Variants in MYRFL observed in about 807,000 individuals in gnomAD.
The protein encoded by MYRFL is myelin regulatory factor like, also known as myelin regulatory factor-like protein.
MYRFL carries 88 observed loss-of-function variants against 109.4 expected under a neutral mutation model. The ratio of observed to expected loss-of-function variants is 0.80; its 90% confidence interval spans 0.68 to 0.96. The LOEUF (loss-of-function observed/expected upper bound fraction) is 0.96. Among genes scored for constraint, MYRFL ranks in the 40% least tolerant of loss-of-function variants. The pLI is 0.00. For missense variants in MYRFL, 957 were observed against 954.9 expected, an observed-to-expected ratio of 1.00 and a Z score of -0.03; for synonymous variants, 324 against 320.9, an observed-to-expected ratio of 1.01 and a Z score of -0.10.
intron 1 of MYRFL, among the ~76,000 whole-genome samples, chr12:69,848,457 T>C (rs1206782507): frequency 6.6e-6 from 1 of 152,134 alleles, no homozygotes; most frequent in Non-Finnish European, 1.5e-5. Context: ...TATCAGAATT[T>C]TAGAGTTTCT....
At chr12:69,869,362 T>A (rs1192466411) in intron 2 of MYRFL, among the ~76,000 whole-genome samples, 3 of 152,036 alleles carry the variant, frequency 2.0e-5, no homozygotes, top group African/African-American at 7.2e-5. Context: ...GCAATTCCCA[T>A]CCCCTCATCC....
In MYRFL at chr12:69,936,555, G is replaced by A. The variant is rs765678851; in HGVS notation, c.2147G>A (p.Arg716Gln). ...CAGGAGACTTATTGCTGCCCCATCC[G>A]GGGAATGAAAGAAGTCTCTTCAAGT... ...PCQETYCCPI[R>Q]GMKEVSSSPV... The change falls in exon 19 of 25, where the codon CGG becomes CAG. Residue 716 changes from arginine (R) to glutamine (Q), a missense_variant. Physicochemically the swap from Arg to Gln is conservative, Grantham distance 43. Coordinates refer to ENST00000552032, the MANE Select transcript of MYRFL (RefSeq NM_182530.3). The A allele has an allele frequency of 8.7e-5, 134 of 1,535,984 alleles. No individual in the cohort carries two copies. The highest frequency in any genetic ancestry group is 1.2e-4 in the Admixed American group (6 of 50,974).
At chr12:69,924,226 C>T (rs896923253) in intron 13 of MYRFL, among the ~76,000 whole-genome samples, 11 of 151,354 alleles carry the variant, frequency 7.3e-5, no homozygotes, top group African/African-American at 2.7e-4. Context: ...GTAAAATACC[C>T]ACATATTCTA....
intron 13 of MYRFL, among the ~76,000 whole-genome samples, chr12:69,922,768 C>T (rs1164244442): frequency 6.6e-6 from 1 of 152,064 alleles, no homozygotes; most frequent in South Asian, 2.1e-4. Flanking sequence ...TGAAATTTCC[C>T]CAATTGTTTT....
chr12:69,839,108 A>T (rs555696021), intron 1 of MYRFL, among the ~76,000 whole-genome samples: 1 of 152,172 alleles, frequency 6.6e-6, no homozygotes, highest in East Asian at 1.9e-4. Flanking sequence ...ACGTAGATCC[A>T]TAATATTTTA....
chr12:69,845,845 A>G (rs1171031903), intron 1 of MYRFL, among the ~76,000 whole-genome samples: 3 of 150,898 alleles, frequency 2.0e-5, no homozygotes, highest in Non-Finnish European at 4.4e-5. Flanking sequence ...TGTGAATATT[A>G]TAATCCTCTA....
In MYRFL at chr12:69,926,624, T is replaced by TAACA. The variant is rs892658655; in HGVS notation, c.1658_1661dup (p.Asn554LysfsTer4). 2.6e-6 allele frequency: 4 copies of TAACA among 1,529,342 alleles called. No homozygotes were observed. The African/African-American group carries it at 4.1e-5, about 16-fold the overall frequency. The allele number at this position is 1,529,342 out of a possible 1,614,324, so 94.7% of individuals were successfully genotyped here. ...CAGTGAAGCAACTGTGCAAACTAAC[T>TAACA]AACAACCTTGAGGAAAGAATAGAAG... On this transcript the variant is annotated frameshift_variant, in exon 14 of 25. Coordinates refer to ENST00000552032, the MANE Select transcript of MYRFL (RefSeq NM_182530.3). LOFTEE classifies it high-confidence loss of function.
intron 2 of MYRFL, among the ~76,000 whole-genome samples, chr12:69,861,668 G>A (rs1884678359): frequency 1.3e-5 from 2 of 152,108 alleles, no homozygotes; most frequent in Non-Finnish European, 2.9e-5. Flanking sequence ...AGATGAATAG[G>A]TTGTGAAAAT....
At chr12:69,848,956 C>T (rs1479197580) in intron 1 of MYRFL, among the ~76,000 whole-genome samples, 1 of 152,226 alleles carries the variant, frequency 6.6e-6, no homozygotes, top group Non-Finnish European at 1.5e-5. Context: ...ACTGCAACCT[C>T]TACCTCCCGG....
intron 6 of MYRFL, among the ~76,000 whole-genome samples, 162 bp downstream of exon 6, chr12:69,887,132 A>G (rs1886505703): frequency 6.6e-6 from 1 of 152,180 alleles, no homozygotes; most frequent in Non-Finnish European, 1.5e-5. Flanking sequence ...TAACAAATAA[A>G]TAGTTGGAAT....
At chr12:69,892,686 A>C (rs573588357) in intron 7 of MYRFL, among the ~76,000 whole-genome samples, 4 of 152,334 alleles carry the variant, frequency 2.6e-5, no homozygotes, top group Non-Finnish European at 5.9e-5. Flanking sequence ...CAAAACAAAA[A>C]CCAAAATACA....
At chr12:69,954,134 G>A (rs1406665601) in intron 21 of MYRFL, among the ~76,000 whole-genome samples, 1 of 152,160 alleles carries the variant, frequency 6.6e-6, no homozygotes, top group Non-Finnish European at 1.5e-5. Flanking sequence ...GGCAGATACA[G>A]CTATTAATTA....
intron 2 of MYRFL, among the ~76,000 whole-genome samples, chr12:69,866,132 TA>T (rs1346263416): frequency 6.6e-6 from 1 of 152,116 alleles, no homozygotes; most frequent in African/African-American, 2.4e-5. Flanking sequence ...GGTTAATTGA[TA>T]TTTTAAAGGA....
Position 69,926,647 on chromosome 12 carries a change from A to C in MYRFL, c.1679A>C (p.Glu560Ala). Residue 560 changes from glutamate to alanine, a missense_variant, in exon 14 of 25, where the codon GAA becomes GCA. Physicochemically the swap from Glu to Ala is moderately radical, Grantham distance 107 (BLOSUM62 -1). Coordinates refer to ENST00000552032, the MANE Select transcript of MYRFL (RefSeq NM_182530.3). ...KLTNNLEERI[E>A]ELEIWNRKLA... The stretch of plus-strand genomic sequence containing the variant: ...ACTAACAACCTTGAGGAAAGAATAG[A>C]AGAGTTAGAAATATGGAACAGAAAG... The C allele has an allele frequency of 6.5e-7, 1 of 1,530,642 alleles. No individual in the cohort carries two copies. 94.8% of individuals were successfully genotyped at this position (1,530,642 alleles called of 1,614,324 possible). A position where few individuals can be genotyped will look rare whatever the true frequency, so the allele number is the denominator to read the frequency against.
At chr12:69,954,514 G>T (rs996926067) in intron 21 of MYRFL, among the ~76,000 whole-genome samples, 1 of 152,132 alleles carries the variant, frequency 6.6e-6, no homozygotes, top group Non-Finnish European at 1.5e-5. Context: ...TATTCAAGAT[G>T]TATAATGTTT....
chr12:69,954,514 G>GTA (rs1956054073), intron 21 of MYRFL, among the ~76,000 whole-genome samples: 1 of 152,132 alleles, frequency 6.6e-6, no homozygotes, highest in Non-Finnish European at 1.5e-5. Context: ...TATTCAAGAT[G>GTA]TATAATGTTT....
At chr12:69,924,006 A>G (rs1297892864) in intron 13 of MYRFL, among the ~76,000 whole-genome samples, 1 of 151,948 alleles carries the variant, frequency 6.6e-6, no homozygotes, top group Non-Finnish European at 1.5e-5. Context: ...TGGCTAACAC[A>G]GTGAAACCCC....
intron 19 of MYRFL, among the ~76,000 whole-genome samples, chr12:69,945,986 C>CAAAAAAAAAAAAAAAAAAAAAAAAAAAA (rs56988555): frequency 2.4e-5 from 1 of 42,328 alleles, no homozygotes; most frequent in Non-Finnish European, 4.1e-5. Context: ...GACTCCGTCT[C>CAAAAAAAAAAAAAAAAAAAAAAAAAAAA]AAAAAAAAAA....
rs1362809969 is a variant in MYRFL at position 69,891,680 on chromosome 12, TC to T, written c.903+515del. 8.6e-3 allele frequency among the ~76,000 whole-genome samples: 974 copies of T among 113,070 alleles called. 75 individuals carry two copies. Among genetic ancestry groups the T allele is most frequent in the African/African-American group, 0.026 (637 of 24,302 alleles). The allele number at this position is 113,070 out of a possible 152,430, so 74.2% of individuals were successfully genotyped here. ...TTCTTTCTTTCTTTCTTTCTTTCTT[TC>T]TTTCGTTCGTTCGTTCTTTCTTTCT... On this transcript the variant is annotated intron_variant, in intron 7 of 24. Transcript: ENST00000552032.
Sources: allele counts gnomAD v4.1 joint callset (sites outside exome capture counted in the v4.1 genomes callset), GRCh38; gene constraint gnomAD v4.1.1; transcripts MANE v1.5; gene names NCBI Gene and HGNC (gene_info 2026-07-23, HGNC 2026-07-21).